The following WWC2 variants were observed in gnomAD, a reference collection of about 807,000 sequenced individuals.
WWC2 encodes protein WWC2.
Under a neutral mutation model 138.5 loss-of-function variants are expected in WWC2, and 101 were observed. The observed-to-expected ratio is 0.73, with a 90% CI of 0.62 to 0.86. The LOEUF (loss-of-function observed/expected upper bound fraction) is 0.86. Ranked by LOEUF, WWC2 falls within the 40% of genes least tolerant of loss-of-function variation. The pLI, the probability that WWC2 is intolerant of heterozygous loss-of-function variation, is 0.00. For missense variants in WWC2, 1,420 were observed against 1,419.4 expected, an observed-to-expected ratio of 1.00 and a Z score of -0.01; for synonymous variants, 558 against 538.4, an observed-to-expected ratio of 1.04 and a Z score of -0.50.
rs553543588 is a variant in WWC2 at position 183,220,113 on chromosome 4, A to G, written c.522+11088A>G. ...CTGAGAGCAACCTTGACTGATAGCCAGCAAGGAATACAAGTCTCAGTCCTA... is the reference window on the plus strand; with the variant it reads ...CTGAGAGCAACCTTGACTGATAGCCGGCAAGGAATACAAGTCTCAGTCCTA... On this transcript the variant is annotated intron_variant, in intron 4 of 22. Coordinates refer to ENST00000403733, the MANE Select transcript of WWC2 (RefSeq NM_024949.6). Among the ~76,000 whole-genome samples the G allele has an allele frequency of 9.2e-5, 14 of 152,330 alleles. No homozygotes were observed. The East Asian group carries it at 2.7e-3, about 29-fold the overall frequency.
intron 1 of WWC2, among the ~76,000 whole-genome samples, chr4:183,176,852 C>T (rs962128122): frequency 3.3e-5 from 5 of 152,160 alleles, no homozygotes; most frequent in Admixed American, 1.3e-4. Flanking sequence ...CAACACCGGC[C>T]TCACACTCCA....
Position 183,269,002 on chromosome 4 carries a change from A to G in WWC2, c.2239A>G (p.Thr747Ala), listed in dbSNP as rs756689682. The part of the protein sequence containing the change: ...YFRVAVLPSS[T>A]DVSCLFRTKV... ...TAGGGTTGCCGTTCTTCCTTCCTCA[A>G]CTGATGTCAGCTGTCTGTTTCGCAC... The change falls in exon 15 of 23, where the codon ACT becomes GCT. Residue 747 changes from threonine to alanine, a missense_variant. Coordinates refer to ENST00000403733, the MANE Select transcript of WWC2 (RefSeq NM_024949.6). 44 of 1,613,222 alleles carry G rather than the reference A, an allele frequency of 2.7e-5. No homozygotes were observed. The Admixed American group carries it at 4.3e-4, about 16-fold the overall frequency.
chr4:183,306,651 T>C (rs886484078), intron 21 of WWC2, among the ~76,000 whole-genome samples: 4 of 125,976 alleles, frequency 3.2e-5, no homozygotes, highest in African/African-American at 1.1e-4. Flanking sequence ...CTCAACCTCC[T>C]GAGTAGCTGG....
intron 20 of WWC2, among the ~76,000 whole-genome samples, chr4:183,286,777 G>T (rs1398836578): frequency 6.6e-6 from 1 of 152,120 alleles, no homozygotes; most frequent in East Asian, 1.9e-4. Flanking sequence ...CACACCCTCA[G>T]GAGTCCATGG....
At chr4:183,127,907 T>G (rs1732807436) in intron 1 of WWC2, among the ~76,000 whole-genome samples, 1 of 152,056 alleles carries the variant, frequency 6.6e-6, no homozygotes, top group Non-Finnish European at 1.5e-5. Context: ...GTAAGAGACA[T>G]TTTCCAAGGA....
At chr4:183,244,588 G>T (rs529542476) in intron 5 of WWC2, among the ~76,000 whole-genome samples, 87 of 151,820 alleles carry the variant, frequency 5.7e-4, no homozygotes, top group African/African-American at 2.0e-3. Flanking sequence ...TATATATAGA[G>T]AGAGAGAGAG....
intron 1 of WWC2, among the ~76,000 whole-genome samples, chr4:183,186,205 A>G (rs1377734959): frequency 6.6e-6 from 1 of 152,084 alleles, no homozygotes; most frequent in Non-Finnish European, 1.5e-5. Context: ...CAGCCTCCCA[A>G]AGTGCTGGGA....
chr4:183,250,098 AC>A, intron 8 of WWC2, 105 bp downstream of exon 8: 1 of 1,005,038 alleles, frequency 9.9e-7, no homozygotes, highest in Non-Finnish European at 1.5e-6. Flanking sequence ...ATACATTCTT[AC>A]CAAGGCCACC....
At position 183,196,794 on chromosome 4, in the gene WWC2, C is replaced by G. The variant is rs192993005; in HGVS notation, c.241+3086C>G. Reference sequence around the variant, plus strand: ...AAGGCCACATCCTTCTAGGGGCAGTCTGCTCAGGTGCCACTGCTTCCCACA... The same window carrying G: ...AAGGCCACATCCTTCTAGGGGCAGTGTGCTCAGGTGCCACTGCTTCCCACA... On this transcript the variant is annotated intron_variant, in intron 2 of 22. Transcript: ENST00000403733. Among the ~76,000 whole-genome samples, 615 of 152,324 alleles carry G rather than the reference C, an allele frequency of 4.0e-3. 5 individuals carry two copies. The highest frequency in any genetic ancestry group is 7.5e-3 in the Non-Finnish European group (513 of 68,030).
rs771662470 is a variant in WWC2, at chr4:183,212,116, C to T, written c.522+3091C>T. Among the ~76,000 whole-genome samples the T allele has an allele frequency of 1.2e-4, 19 of 152,164 alleles. 1 individual carries two copies. The highest frequency in any genetic ancestry group is 4.1e-4 in the South Asian group (2 of 4,828). On this transcript the variant is annotated intron_variant, in intron 4 of 22. Transcript: ENST00000403733. ...GATTACAGGTGTAAGCCACGGCGCC[C>T]GGCCTCTTTTGGATCTTTAACACAA...
chr4:183,277,429 T>C (rs71620983), intron 16 of WWC2, among the ~76,000 whole-genome samples: 55,299 of 145,576 alleles, frequency 0.38, 10,850 homozygotes, highest in South Asian at 0.45. Context: ...TGAATAATGC[T>C]GCAATAAACA....
chr4:183,110,814 C>A (rs1732206651), intron 1 of WWC2, among the ~76,000 whole-genome samples: 1 of 152,142 alleles, frequency 6.6e-6, no homozygotes, highest in Non-Finnish European at 1.5e-5. Flanking sequence ...TTGGTGTGAA[C>A]TTTGCTCCTG....
intron 1 of WWC2, among the ~76,000 whole-genome samples, chr4:183,126,396 G>A (rs541103853): frequency 1.6e-4 from 24 of 152,296 alleles, no homozygotes; most frequent in African/African-American, 5.3e-4. Context: ...CAGATGCAAT[G>A]ACATCCTGGT....
chr4:183,231,498 G>A (rs959786176), intron 4 of WWC2, among the ~76,000 whole-genome samples: 9 of 151,842 alleles, frequency 5.9e-5, no homozygotes, highest in African/African-American at 9.7e-5. Flanking sequence ...TTGAACTCCC[G>A]ACCTCAAGTG....
At position 183,289,455 on chromosome 4, in the gene WWC2, C is replaced by G. The variant is rs1738361244; in HGVS notation, c.3204C>G (p.Asp1068Glu). The G allele has an allele frequency of 6.2e-7, 1 of 1,613,080 alleles. No homozygotes were observed. Among genetic ancestry groups the G allele is most frequent in the South Asian group, 1.1e-5 (1 of 90,864 alleles). The change falls in exon 21 of 23, where the codon GAC becomes GAG. Residue 1068 changes from aspartate (D) to glutamate (E), a missense_variant. Asp to Glu is a conservative substitution (Grantham distance 45). Coordinates refer to ENST00000403733, the MANE Select transcript of WWC2 (RefSeq NM_024949.6). ...AATGCCCAGTGCGGACATCTCTAGA[C>G]TTAGAACTGGACCTTCAGGCATCTC... ...TQECPVRTSL[D>E]LELDLQASLT...
At chr4:183,130,644 A>T (rs1012794408) in intron 1 of WWC2, among the ~76,000 whole-genome samples, 1 of 152,182 alleles carries the variant, frequency 6.6e-6, no homozygotes. Context: ...GTCTGAGGTG[A>T]CCTAGCCAGG....
chr4:183,289,316 C>A (rs1335658877), intron 20 of WWC2, 77 bp from the exon 21 acceptor site: 6 of 1,528,142 alleles, frequency 3.9e-6, no homozygotes, highest in Non-Finnish European at 5.3e-6. Context: ...ATCCATCATG[C>A]GCCAGGAAGG....
At chr4:183,305,098 C>T (rs1241086256) in intron 21 of WWC2, among the ~76,000 whole-genome samples, 1 of 152,158 alleles carries the variant, frequency 6.6e-6, no homozygotes, top group Non-Finnish European at 1.5e-5. Flanking sequence ...ATCAAAAACA[C>T]TGTAACAGAC....
chr4:183,164,441 A>G (rs1734080011), intron 1 of WWC2, among the ~76,000 whole-genome samples: 1 of 144,664 alleles, frequency 6.9e-6, no homozygotes, highest in African/African-American at 2.5e-5. Context: ...TATTTTTAAT[A>G]TATATATTTT....
Sources: allele counts gnomAD v4.1 joint callset (sites outside exome capture counted in the v4.1 genomes callset), GRCh38; gene constraint gnomAD v4.1.1; transcripts MANE v1.5; gene names NCBI Gene and HGNC (gene_info 2026-07-23, HGNC 2026-07-21).